CACNB2: variants seen among roughly 807,000 people sequenced by gnomAD.
The protein encoded by CACNB2 is calcium voltage-gated channel auxiliary subunit beta 2, also known as voltage-dependent L-type calcium channel subunit beta-2.
In CACNB2, 42 loss-of-function variants were observed where a neutral mutation model predicts 73.3. That is an observed-to-expected ratio of 0.57 (90% confidence interval 0.45 to 0.74). The LOEUF (loss-of-function observed/expected upper bound fraction) is 0.74, where lower values mean the gene tolerates loss of function less well. CACNB2 is among the 30% of genes least tolerant of loss of function. The probability of loss-of-function intolerance (pLI) is 0.00; values close to 1 mark genes in which losing one functional copy is unlikely to be tolerated. For missense variants in CACNB2, 940 were observed against 853.0 expected, an observed-to-expected ratio of 1.10 and a Z score of -1.27; for synonymous variants, 348 against 310.3, an observed-to-expected ratio of 1.12 and a Z score of -1.28.
chr10:18,284,024 T>C (rs1363859444), intron 2 of CACNB2, among the ~76,000 whole-genome samples: 2 of 151,938 alleles, frequency 1.3e-5, no homozygotes, highest in Non-Finnish European at 2.9e-5. Context: ...AATAAGTTTT[T>C]CCTTTTTTCA....
chr10:18,158,069 A>G (rs1410204277), intron 2 of CACNB2, among the ~76,000 whole-genome samples: 1 of 152,144 alleles, frequency 6.6e-6, no homozygotes, highest in Admixed American at 6.5e-5. Flanking sequence ...CCTTTCTCCC[A>G]CAAAAGTCAT....
At position 18,536,784 on chromosome 10, in the gene CACNB2, C is replaced by T. The variant is rs187381129; in HGVS notation, c.1302+588C>T. On this transcript the variant is annotated intron_variant, in intron 12 of 13. Coordinates refer to ENST00000324631, the MANE Select transcript of CACNB2 (RefSeq NM_201596.3). ...AATATCCAACACAAGATCCTGGTTC[C>T]GAAAATTTGGCTTGTATGATGAGTC... 5.9e-5 allele frequency among the ~76,000 whole-genome samples: 9 copies of T among 152,198 alleles called. No individual in the cohort carries two copies. The South Asian group carries it at 6.2e-4, about 11-fold the overall frequency.
At chr10:18,527,438 A>C in intron 9 of CACNB2, 150 bp from the exon 10 acceptor site, 1 of 622,682 alleles carries the variant, frequency 1.6e-6, no homozygotes, top group Non-Finnish European at 2.9e-6. Flanking sequence ...AAAAAGAAAA[A>C]AAATGAATAA....
At chr10:18,337,049 A>C (rs2041034159) in intron 2 of CACNB2, among the ~76,000 whole-genome samples, 1 of 152,130 alleles carries the variant, frequency 6.6e-6, no homozygotes, top group Non-Finnish European at 1.5e-5. Context: ...TTAACAGTGG[A>C]ATCTTTACTG....
chr10:18,259,537 T>G (rs2037430776), intron 2 of CACNB2, among the ~76,000 whole-genome samples: 1 of 122,908 alleles, frequency 8.1e-6, no homozygotes, highest in Non-Finnish European at 1.7e-5. Flanking sequence ...AAACTCCATC[T>G]CTACTGAAAA....
chr10:18,224,347 A>T (rs1311619758), intron 2 of CACNB2: 1 of 151,646 alleles, frequency 6.6e-6, no homozygotes. Context: ...TCAAAAAAAA[A>T]AAAATTCCAA....
intron 2 of CACNB2, among the ~76,000 whole-genome samples, chr10:18,164,466 A>G (rs2032699681): frequency 1.3e-5 from 2 of 152,302 alleles, no homozygotes; most frequent in South Asian, 4.1e-4. Flanking sequence ...TTTTGGAAGA[A>G]GAATTGGTTA....
intron 2 of CACNB2, among the ~76,000 whole-genome samples, chr10:18,303,049 C>T (rs1324727511): frequency 1.3e-5 from 2 of 152,106 alleles, no homozygotes; most frequent in Non-Finnish European, 2.9e-5. Flanking sequence ...TCTCCTTAGA[C>T]TCGTTAGTCT....
chr10:18,172,318 C>T (rs1355556471), intron 2 of CACNB2, among the ~76,000 whole-genome samples: 1 of 152,192 alleles, frequency 6.6e-6, no homozygotes, highest in Non-Finnish European at 1.5e-5. Context: ...GAGCCAAGAT[C>T]ATGCCACTGC....
intron 2 of CACNB2, among the ~76,000 whole-genome samples, chr10:18,181,410 G>C (rs938010882): frequency 6.6e-6 from 1 of 152,010 alleles, no homozygotes; most frequent in African/African-American, 2.4e-5. Context: ...TGTAGCCCTG[G>C]TTAAACCTCT....
intron 2 of CACNB2, among the ~76,000 whole-genome samples, chr10:18,385,284 G>GA (rs1249416987): frequency 4.3e-4 from 58 of 136,458 alleles, no homozygotes; most frequent in East Asian, 6.5e-4. Flanking sequence ...CTCTAAGAAG[G>GA]AAAAAAAAAA....
At chr10:18,459,621 T>C (rs984973132) in intron 3 of CACNB2, among the ~76,000 whole-genome samples, 1 of 152,260 alleles carries the variant, frequency 6.6e-6, no homozygotes, top group Non-Finnish European at 1.5e-5. Context: ...TTTATTATTA[T>C]GTATCATATT....
intron 3 of CACNB2, among the ~76,000 whole-genome samples, chr10:18,443,641 G>A (rs528525480): frequency 6.6e-6 from 1 of 151,902 alleles, no homozygotes; most frequent in African/African-American, 2.4e-5. Context: ...GGACCACTCA[G>A]TATAATGTTG....
chr10:18,402,474 A>G (rs2132541660), intron 3 of CACNB2, among the ~76,000 whole-genome samples: 1 of 151,366 alleles, frequency 6.6e-6, no homozygotes, highest in African/African-American at 2.4e-5. Context: ...TTTACTTCAT[A>G]GGTGTTTTAT....
intron 1 of CACNB2, among the ~76,000 whole-genome samples, chr10:18,146,030 C>A (rs1564292356): frequency 6.6e-6 from 1 of 152,088 alleles, no homozygotes; most frequent in Non-Finnish European, 1.5e-5. Flanking sequence ...TATGCAGGCT[C>A]CTTGTTCCTT....
chr10:18,343,079 T>C (rs1589091671), intron 2 of CACNB2, among the ~76,000 whole-genome samples: 1 of 152,332 alleles, frequency 6.6e-6, no homozygotes, highest in South Asian at 2.1e-4. Flanking sequence ...CCAATGCAAT[T>C]TGGTGTAATT....
chr10:18,269,737 C>T (rs951545996), intron 2 of CACNB2, among the ~76,000 whole-genome samples: 14 of 152,136 alleles, frequency 9.2e-5, no homozygotes, highest in African/African-American at 3.1e-4. Flanking sequence ...TCCATCCTTG[C>T]GGTCCTGTTC....
intron 2 of CACNB2, among the ~76,000 whole-genome samples, chr10:18,176,605 A>G (rs1284893252): frequency 6.6e-6 from 1 of 151,278 alleles, no homozygotes; most frequent in African/African-American, 2.4e-5. Context: ...GCATTGAAGG[A>G]ACATTGAAAG....
At chr10:18,211,627 A>G (rs1397523511) in intron 2 of CACNB2, among the ~76,000 whole-genome samples, 4 of 152,170 alleles carry the variant, frequency 2.6e-5, no homozygotes, top group Admixed American at 2.6e-4. Flanking sequence ...AGTACTGAGT[A>G]TTCTTAGATG....
Sources: allele counts gnomAD v4.1 joint callset (sites outside exome capture counted in the v4.1 genomes callset), GRCh38; gene constraint gnomAD v4.1.1; transcripts MANE v1.5; gene names NCBI Gene and HGNC (gene_info 2026-07-23, HGNC 2026-07-21).